The following GRID2 variants were observed in gnomAD, a reference collection of about 807,000 sequenced individuals.
GRID2 encodes glutamate ionotropic receptor delta type subunit 2.
In GRID2, 33 loss-of-function variants were observed where a neutral mutation model predicts 114.8. The ratio of observed to expected loss-of-function variants is 0.29; its 90% confidence interval spans 0.22 to 0.38. The LOEUF (loss-of-function observed/expected upper bound fraction) is 0.38, where lower values mean the gene tolerates loss of function less well. Ranked by LOEUF, GRID2 falls within the 10% of genes least tolerant of loss-of-function variation. The pLI, the probability that GRID2 is intolerant of heterozygous loss-of-function variation, is 1.00. For synonymous variants in GRID2, 505 were observed against 449.9 expected, an observed-to-expected ratio of 1.12 and a Z score of -1.55; for missense variants, 1,184 against 1,257.7, an observed-to-expected ratio of 0.94 and a Z score of 0.89.
intron 5 of GRID2, among the ~76,000 whole-genome samples, chr4:93,211,456 G>C (rs1444362383): frequency 1.3e-5 from 2 of 151,820 alleles, no homozygotes; most frequent in Non-Finnish European, 2.9e-5. Context: ...TCCATAATTT[G>C]GGCCACTATT....
chr4:92,675,320 T>C (rs765440015), intron 2 of GRID2, among the ~76,000 whole-genome samples: 5 of 152,176 alleles, frequency 3.3e-5, no homozygotes, highest in Non-Finnish European at 7.4e-5. Flanking sequence ...TTGTCTGTCA[T>C]GCCTATGGTT....
chr4:92,555,967 T>C (rs1049264880), intron 1 of GRID2, among the ~76,000 whole-genome samples: 4 of 152,092 alleles, frequency 2.6e-5, no homozygotes, highest in African/African-American at 9.7e-5. Flanking sequence ...ATATACCTTT[T>C]CCCTGCCTCC....
At chr4:93,175,518 T>G (rs1471379362) in intron 4 of GRID2, among the ~76,000 whole-genome samples, 2 of 152,162 alleles carry the variant, frequency 1.3e-5, no homozygotes, top group Non-Finnish European at 2.9e-5. Context: ...CTTACTAGAT[T>G]TTTGAAAAGT....
intron 1 of GRID2, among the ~76,000 whole-genome samples, chr4:92,363,800 G>A (rs1728725623): frequency 1.4e-5 from 2 of 147,772 alleles, no homozygotes; most frequent in Admixed American, 1.4e-4. Flanking sequence ...ATTAATTACT[G>A]TGTCTAGAAT....
chr4:92,359,873 G>A (rs1728530405), intron 1 of GRID2, among the ~76,000 whole-genome samples: 1 of 151,816 alleles, frequency 6.6e-6, no homozygotes, highest in Non-Finnish European at 1.5e-5. Flanking sequence ...TAAAATATGT[G>A]ACCTATGATA....
At chr4:92,492,397 T>C (rs887709374) in intron 1 of GRID2, among the ~76,000 whole-genome samples, 12 of 152,182 alleles carry the variant, frequency 7.9e-5, no homozygotes, top group African/African-American at 2.7e-4. Flanking sequence ...GTTTATTACA[T>C]GTGTAAACAT....
chr4:93,434,931 C>T (rs1387007630), intron 10 of GRID2, among the ~76,000 whole-genome samples: 3 of 152,042 alleles, frequency 2.0e-5, no homozygotes, highest in African/African-American at 7.2e-5. Context: ...TCTCTCCTAT[C>T]TGCCTAAAAT....
At chr4:92,516,819 T>A (rs1724524203) in intron 1 of GRID2, among the ~76,000 whole-genome samples, 1 of 151,926 alleles carries the variant, frequency 6.6e-6, no homozygotes, top group South Asian at 2.1e-4. Context: ...ATCTTCTTTA[T>A]ACCCTTTCCA....
At chr4:92,540,242 G>C (rs1417946667) in intron 1 of GRID2, among the ~76,000 whole-genome samples, 1 of 152,028 alleles carries the variant, frequency 6.6e-6, no homozygotes, top group African/African-American at 2.4e-5. Context: ...ATAGGCAAGG[G>C]CTTCATGTCT....
intron 2 of GRID2, among the ~76,000 whole-genome samples, chr4:92,673,965 A>G (rs1360585046): frequency 1.3e-5 from 2 of 152,016 alleles, no homozygotes; most frequent in East Asian, 3.9e-4. Context: ...CCTAGAACTT[A>G]AAGTATAATA....
chr4:92,361,400 GA>G (rs968126294), intron 1 of GRID2, among the ~76,000 whole-genome samples: 11 of 151,900 alleles, frequency 7.2e-5, no homozygotes, highest in Non-Finnish European at 1.3e-4. Flanking sequence ...TTGTATATTA[GA>G]AAAAAAATTG....
At chr4:93,722,786 T>C (rs1016899415) in intron 14 of GRID2, among the ~76,000 whole-genome samples, 7 of 152,226 alleles carry the variant, frequency 4.6e-5, no homozygotes, top group African/African-American at 1.4e-4. Context: ...AGTTCCTTAT[T>C]CTGGAGAATT....
At chr4:93,552,393 C>T (rs1733850540) in intron 13 of GRID2, among the ~76,000 whole-genome samples, 1 of 151,920 alleles carries the variant, frequency 6.6e-6, no homozygotes, top group Non-Finnish European at 1.5e-5. Context: ...GGGTATATAC[C>T]CAGTAATGGG....
At chr4:92,935,912 C>T (rs1216569329) in intron 2 of GRID2, among the ~76,000 whole-genome samples, 2 of 145,356 alleles carry the variant, frequency 1.4e-5, no homozygotes, top group Non-Finnish European at 3.0e-5. Flanking sequence ...GGAGGGATAG[C>T]ATTAAGAGAT....
At chr4:92,969,059 C>G (rs545876363) in intron 2 of GRID2, among the ~76,000 whole-genome samples, 19 of 151,480 alleles carry the variant, frequency 1.3e-4, no homozygotes, top group African/African-American at 4.6e-4. Flanking sequence ...TAATATAAGG[C>G]AATAGTAGCA....
chr4:93,657,913 T>C (rs76016998), intron 14 of GRID2, among the ~76,000 whole-genome samples: 5,478 of 152,234 alleles, frequency 0.036, 328 homozygotes, highest in African/African-American at 0.12. Flanking sequence ...TCATTAGTAA[T>C]TGAGTTGAAA....
chr4:93,205,390 G>A (rs1037218317), intron 4 of GRID2, among the ~76,000 whole-genome samples: 6 of 152,064 alleles, frequency 3.9e-5, no homozygotes, highest in African/African-American at 1.4e-4. Flanking sequence ...TCCCACCTAT[G>A]AGTAAGAACA....
intron 1 of GRID2, among the ~76,000 whole-genome samples, chr4:92,526,960 A>C (rs1306155347): frequency 6.6e-6 from 1 of 152,082 alleles, no homozygotes; most frequent in Non-Finnish European, 1.5e-5. Flanking sequence ...ATCTATATAG[A>C]TATAAAATGT....
intron 2 of GRID2, among the ~76,000 whole-genome samples, chr4:92,983,022 G>T (rs769140358): frequency 1.2e-4 from 19 of 152,010 alleles, no homozygotes; most frequent in Non-Finnish European, 2.2e-4. Flanking sequence ...ATTATAGGAA[G>T]CCAAGTATCT....
Sources: allele counts gnomAD v4.1 joint callset (sites outside exome capture counted in the v4.1 genomes callset), GRCh38; gene constraint gnomAD v4.1.1; transcripts MANE v1.5; gene names NCBI Gene and HGNC (gene_info 2026-07-23, HGNC 2026-07-21).